The following SGCD variants were observed in gnomAD, a reference collection of about 807,000 sequenced individuals.
SGCD encodes delta-sarcoglycan.
A neutral mutation model predicts 36.6 loss-of-function variants in SGCD; 18 were observed. The observed-to-expected ratio is 0.49, with a 90% confidence interval of 0.34 to 0.73. SGCD has a LOEUF of 0.73. SGCD is among the 30% of genes least tolerant of loss of function. SGCD has a pLI of 0.01. For missense variants in SGCD, 387 were observed against 346.7 expected (o/e 1.12, Z -0.92); for synonymous variants, 133 against 130.6 (o/e 1.02, Z -0.12).
chr5:156,522,771 G>C (rs2656894), intron 4 of SGCD, among the ~76,000 whole-genome samples: 41,962 of 148,350 alleles, frequency 0.28, 7,841 homozygotes, highest in African/African-American at 0.54. Context: ...CCCACCCCCC[G>C]ACACACACAT....
chr5:155,835,085 G>GCAATCTC, the SGCD span, among the ~76,000 whole-genome samples: 1 of 134,394 alleles, frequency 7.4e-6, no homozygotes, highest in Non-Finnish European at 1.5e-5. Flanking sequence ...TCGGCTCAAC[G>GCAATCTC]CAATCTCCGC....
intron 3 of SGCD, among the ~76,000 whole-genome samples, chr5:156,164,144 C>T (rs1201163524): frequency 6.6e-6 from 1 of 151,108 alleles, no homozygotes; most frequent in Non-Finnish European, 1.5e-5. Flanking sequence ...AGTCTATTTA[C>T]AGTCTTGCAG....
chr5:156,223,009 A>G (rs1048700853), intron 3 of SGCD, among the ~76,000 whole-genome samples: 1 of 152,066 alleles, frequency 6.6e-6, no homozygotes, highest in African/African-American at 2.4e-5. Context: ...CAACAACCAT[A>G]CATACTATTG....
At chr5:156,462,785 G>C (rs983541622) in intron 3 of SGCD, among the ~76,000 whole-genome samples, 15 of 151,962 alleles carry the variant, frequency 9.9e-5, no homozygotes, top group Admixed American at 6.6e-5. Context: ...TGGTACAAAA[G>C]TAATTGCAGT....
At chr5:156,048,041 C>T (rs1175228304) in intron 1 of SGCD, among the ~76,000 whole-genome samples, 2 of 152,040 alleles carry the variant, frequency 1.3e-5, no homozygotes, top group African/African-American at 4.8e-5. Context: ...TGTCATTGTT[C>T]AATTCCTACC....
At chr5:155,788,784 C>T in the SGCD span, among the ~76,000 whole-genome samples, 27 of 152,094 alleles carry the variant, frequency 1.8e-4, no homozygotes, top group Admixed American at 6.5e-5. Flanking sequence ...GATAGGTGAA[C>T]AGTTTACCCA....
chr5:155,818,551 C>T, the SGCD span, among the ~76,000 whole-genome samples: 101 of 152,286 alleles, frequency 6.6e-4, 1 homozygote, highest in South Asian at 4.6e-3. Context: ...GATAGAGTCT[C>T]ACGTTGGCAT....
At chr5:156,611,014 C>T (rs1056250203) in intron 6 of SGCD, among the ~76,000 whole-genome samples, 1 of 152,244 alleles carries the variant, frequency 6.6e-6, no homozygotes, top group African/African-American at 2.4e-5. Flanking sequence ...CCTCGCCCTG[C>T]TTCGGCTCAT....
intron 3 of SGCD, among the ~76,000 whole-genome samples, chr5:156,276,214 A>G (rs1008739977): frequency 6.6e-6 from 1 of 152,180 alleles, no homozygotes; most frequent in Non-Finnish European, 1.5e-5. Context: ...CCCTGTTCAG[A>G]GGGAGGCTCC....
At chr5:156,694,390 A>G (rs1343176316) in intron 7 of SGCD, among the ~76,000 whole-genome samples, 3 of 152,212 alleles carry the variant, frequency 2.0e-5, no homozygotes, top group Non-Finnish European at 1.5e-5. Context: ...TCAAATCTGA[A>G]CAATAGCCAA....
At chr5:156,156,625 A>G (rs1349743273) in intron 3 of SGCD, among the ~76,000 whole-genome samples, 2 of 151,484 alleles carry the variant, frequency 1.3e-5, no homozygotes, top group South Asian at 2.1e-4. Flanking sequence ...CTCTGCCTCA[A>G]GAAAAATACC....
intron 4 of SGCD, among the ~76,000 whole-genome samples, chr5:156,513,169 A>T (rs1368610426): frequency 6.6e-6 from 1 of 152,214 alleles, no homozygotes; most frequent in Non-Finnish European, 1.5e-5. Flanking sequence ...TTCTAAGATG[A>T]TGATTTAGTC....
intron 1 of SGCD, among the ~76,000 whole-genome samples, chr5:156,048,708 G>T (rs984374916): frequency 6.6e-6 from 1 of 152,104 alleles, no homozygotes; most frequent in African/African-American, 2.4e-5. Flanking sequence ...GGAGTTCATT[G>T]TAGATTCTGG....
chr5:155,996,942 C>G (rs13175377), intron 1 of SGCD, among the ~76,000 whole-genome samples: 1 of 150,618 alleles, frequency 6.6e-6, no homozygotes, highest in Admixed American at 6.6e-5. Flanking sequence ...GACAGACAGA[C>G]AGATAGATAG....
chr5:156,051,899 T>C (rs1415210496), intron 1 of SGCD, among the ~76,000 whole-genome samples: 4 of 145,408 alleles, frequency 2.8e-5, no homozygotes, highest in African/African-American at 9.9e-5. Flanking sequence ...GCAGAGGGAA[T>C]GGGATGTGAA....
At chr5:155,903,443 C>A (rs1366915529) in intron 1 of SGCD, among the ~76,000 whole-genome samples, 3 of 152,132 alleles carry the variant, frequency 2.0e-5, no homozygotes, top group Non-Finnish European at 4.4e-5. Flanking sequence ...ATCTAGCCTA[C>A]CTGTCTGTTG....
In SGCD at chr5:155,907,859, A is replaced by G. The variant is rs149886543; in HGVS notation, c.-282+37435A>G. 3.9e-3 allele frequency among the ~76,000 whole-genome samples: 600 copies of G among 152,278 alleles called. 5 individuals are homozygous for G. The highest frequency in any genetic ancestry group is 0.013 in the African/African-American group (560 of 41,580). ...TTTGAGAGGATTGACTTCAATTTTGAAAGAAGTTCTACTGTTGGTAAAATG... is the reference window on the plus strand; with the variant it reads ...TTTGAGAGGATTGACTTCAATTTTGGAAGAAGTTCTACTGTTGGTAAAATG... On this transcript the variant is annotated intron_variant, in intron 1 of 9. Transcript: ENST00000517913.
chr5:156,112,866 A>T (rs960884801), intron 1 of SGCD, among the ~76,000 whole-genome samples: 3 of 152,114 alleles, frequency 2.0e-5, no homozygotes, highest in African/African-American at 7.2e-5. Flanking sequence ...TGCTGTGTGT[A>T]TGTGTTTTTA....
In SGCD at chr5:155,934,076, C is replaced by T. The variant is rs565673709; in HGVS notation, c.-282+63652C>T. 1.4e-4 allele frequency among the ~76,000 whole-genome samples: 21 copies of T among 152,286 alleles called. 1 individual carries two copies. Among genetic ancestry groups the T allele is most frequent in the African/African-American group, 4.6e-4 (19 of 41,564 alleles). ...AAAATTCAAATTTCAGAAAGAATGACTGATTAATCAAGCTTTGGCAGAATT... is the reference window on the plus strand; with the variant it reads ...AAAATTCAAATTTCAGAAAGAATGATTGATTAATCAAGCTTTGGCAGAATT... On this transcript the variant is annotated intron_variant, in intron 1 of 9. Coordinates refer to the SGCD transcript ENST00000517913.
Sources: allele counts gnomAD v4.1 joint callset (sites outside exome capture counted in the v4.1 genomes callset), GRCh38; gene constraint gnomAD v4.1.1; transcripts MANE v1.5; gene names NCBI Gene and HGNC (gene_info 2026-07-23, HGNC 2026-07-21).